The following CLVS2 variants were observed in gnomAD, a reference collection of about 807,000 sequenced individuals.
The protein encoded by CLVS2 is clavesin 2.
In CLVS2, 19 loss-of-function variants were observed where a neutral mutation model predicts 29.0. That is an observed-to-expected ratio of 0.66 (90% CI 0.46 to 0.96). The LOEUF (loss-of-function observed/expected upper bound fraction) is 0.96. CLVS2 is among the 40% of genes least tolerant of loss of function. The pLI is 0.00. For missense variants in CLVS2, 294 were observed against 404.1 expected, an observed-to-expected ratio of 0.73 and a Z score of 2.34; for synonymous variants, 161 against 151.3, an observed-to-expected ratio of 1.06 and a Z score of -0.47.
chr6:123,027,221 A>G (rs994704779), intron 3 of CLVS2, among the ~76,000 whole-genome samples: 13 of 152,212 alleles, frequency 8.5e-5, no homozygotes, highest in African/African-American at 3.1e-4. Context: ...TGACATCTTG[A>G]GTAGAGGAAC....
chr6:123,031,347 C>G (rs1474402262), intron 3 of CLVS2, among the ~76,000 whole-genome samples: 1 of 152,086 alleles, frequency 6.6e-6, no homozygotes, highest in Admixed American at 6.6e-5. Flanking sequence ...CTCCAGCTCA[C>G]ACATCTGTTA....
At chr6:123,039,913 A>G (rs1021683845) in intron 3 of CLVS2, among the ~76,000 whole-genome samples, 1 of 152,154 alleles carries the variant, frequency 6.6e-6, no homozygotes, top group Non-Finnish European at 1.5e-5. Context: ...TAAGTTGTCT[A>G]TATTTACGGT....
At chr6:123,055,313 A>G (rs1415625282) in intron 4 of CLVS2, among the ~76,000 whole-genome samples, 1 of 61,214 alleles carries the variant, frequency 1.6e-5, no homozygotes, top group Non-Finnish European at 3.4e-5. Context: ...TGGTTACAAT[A>G]TTCTTATTTT....
At chr6:123,031,077 C>A (rs1274806505) in intron 3 of CLVS2, among the ~76,000 whole-genome samples, 1 of 151,876 alleles carries the variant, frequency 6.6e-6, no homozygotes, top group African/African-American at 2.4e-5. Context: ...GGAATATGGG[C>A]ATGCACCACA....
chr6:123,049,368 A>C (rs1298233654), intron 4 of CLVS2, among the ~76,000 whole-genome samples: 1 of 152,218 alleles, frequency 6.6e-6, no homozygotes, highest in Non-Finnish European at 1.5e-5. Flanking sequence ...GTAGGGCACA[A>C]GGTAAATACT....
intron 2 of CLVS2, among the ~76,000 whole-genome samples, chr6:123,010,225 T>C (rs778308692): frequency 5.9e-5 from 9 of 152,044 alleles, no homozygotes; most frequent in Admixed American, 2.0e-4. Flanking sequence ...GTTGCCTCCA[T>C]TGAAGCAGTG....
At chr6:123,016,593 T>C (rs1193244995) in intron 3 of CLVS2, among the ~76,000 whole-genome samples, 1 of 152,028 alleles carries the variant, frequency 6.6e-6, no homozygotes, top group Non-Finnish European at 1.5e-5. Flanking sequence ...AATAAGTACA[T>C]AATGTAGTCA....
intron 3 of CLVS2, among the ~76,000 whole-genome samples, chr6:123,046,273 A>C (rs1772507743): frequency 6.6e-6 from 1 of 152,202 alleles, no homozygotes; most frequent in Non-Finnish European, 1.5e-5. Flanking sequence ...ATGACATTGC[A>C]TTGTGTGCAA....
chr6:123,000,489 G>T (rs1298172505), intron 2 of CLVS2, among the ~76,000 whole-genome samples: 2 of 152,182 alleles, frequency 1.3e-5, no homozygotes, highest in Non-Finnish European at 2.9e-5. Flanking sequence ...TCAAAGGACA[G>T]CTGCCTTTCT....
intron 3 of CLVS2, among the ~76,000 whole-genome samples, chr6:123,017,651 G>A (rs746283256): frequency 1.3e-5 from 2 of 152,114 alleles, no homozygotes; most frequent in Non-Finnish European, 2.9e-5. Context: ...TTAGTTCTCA[G>A]AAGTAGGACG....
At chr6:123,054,328 G>A (rs189168746) in intron 4 of CLVS2, among the ~76,000 whole-genome samples, 13 of 152,306 alleles carry the variant, frequency 8.5e-5, no homozygotes, top group African/African-American at 3.1e-4. Context: ...CCCTCAGACA[G>A]GAGAGGGAAG....
At chr6:123,003,170 A>C (rs1267866716) in intron 2 of CLVS2, among the ~76,000 whole-genome samples, 1 of 152,228 alleles carries the variant, frequency 6.6e-6, no homozygotes, top group Non-Finnish European at 1.5e-5. Context: ...CCGAAATAAC[A>C]GCAAAAACTA....
chr6:123,046,778 T>C (rs1020516350), intron 3 of CLVS2, among the ~76,000 whole-genome samples: 1 of 152,164 alleles, frequency 6.6e-6, no homozygotes, highest in Non-Finnish European at 1.5e-5. Context: ...TAACAATTTT[T>C]AAAGATCTTT....
At position 123,065,086 on chromosome 6, in the gene CLVS2, T is replaced by C. The variant is rs1221563856; in HGVS notation, c.*1325T>C. On this transcript the variant is annotated 3_prime_UTR_variant, in exon 6 of 6. Transcript: ENST00000275162. Reference sequence around the variant, plus strand: ...GAAAAAACACATTATATTCAGGAGATATAATGAAATTATTGGAAGGCATCT... The same window carrying C: ...GAAAAAACACATTATATTCAGGAGACATAATGAAATTATTGGAAGGCATCT... The C allele has an allele frequency of 1.3e-5, 2 of 151,878 alleles. No homozygotes were observed. Among genetic ancestry groups the C allele is most frequent in the Non-Finnish European group, 2.9e-5 (2 of 67,828 alleles). 9.4% of individuals were successfully genotyped at this position (151,878 alleles called of 1,614,324 possible).
At chr6:123,036,292 A>C (rs139733066) in intron 3 of CLVS2, among the ~76,000 whole-genome samples, 1,560 of 152,276 alleles carry the variant, frequency 0.01, 31 homozygotes, top group African/African-American at 0.035. Flanking sequence ...TTTCCAATAA[A>C]GTCACAGGGG....
At chr6:123,008,885 G>A (rs1223560070) in intron 2 of CLVS2, among the ~76,000 whole-genome samples, 2 of 151,936 alleles carry the variant, frequency 1.3e-5, no homozygotes, top group African/African-American at 4.8e-5. Flanking sequence ...CAAATACATA[G>A]CAGAGCTCTA....
At chr6:123,006,798 G>A (rs1774675550) in intron 2 of CLVS2, among the ~76,000 whole-genome samples, 7 of 152,152 alleles carry the variant, frequency 4.6e-5, no homozygotes, top group Admixed American at 4.6e-4. Context: ...TAGCTCTGTG[G>A]ATATCGAGCC....
chr6:123,051,447 A>G (rs1347126934), intron 4 of CLVS2, among the ~76,000 whole-genome samples: 1 of 152,162 alleles, frequency 6.6e-6, no homozygotes, highest in African/African-American at 2.4e-5. Context: ...CCTTAAACTA[A>G]GGTCTCCTAC....
intron 2 of CLVS2, among the ~76,000 whole-genome samples, chr6:123,003,204 G>A (rs1419022660): frequency 6.6e-6 from 1 of 152,184 alleles, no homozygotes; most frequent in African/African-American, 2.4e-5. Context: ...TCAGTAGGAC[G>A]TTGACTAAGG....
Sources: gnomAD v4.1 joint callset for allele counts (sites outside exome capture counted in the v4.1 genomes callset) on GRCh38, gnomAD v4.1.1 for gene constraint, MANE v1.5 for transcripts, NCBI Gene and HGNC (gene_info 2026-07-23, HGNC 2026-07-21) for gene names.